CDC20B: variants seen among roughly 807,000 people sequenced by gnomAD.
CDC20B encodes the protein cell division cycle 20B.
A neutral mutation model predicts 64.1 loss-of-function variants in CDC20B; 58 were observed. That is an observed-to-expected ratio of 0.90 (90% CI 0.73 to 1.13). The LOEUF is 1.13. Among genes scored for constraint, CDC20B ranks in the 50% most tolerant of loss-of-function variants. The pLI, the probability that CDC20B is intolerant of heterozygous loss-of-function variation, is 0.00. For synonymous variants in CDC20B, 243 were observed against 230.6 expected (o/e 1.05, Z -0.49); for missense variants, 597 against 633.0 (o/e 0.94, Z 0.61).
chr5:55,160,236 G>A (rs370409177), intron 2 of CDC20B: 1 of 1,614,138 alleles, frequency 6.2e-7, no homozygotes, highest in East Asian at 2.2e-5. Flanking sequence ...TCCGGGCCCA[G>A]AGCAAAGGTA....
chr5:55,122,021 A>G (rs1742770694), intron 9 of CDC20B, among the ~76,000 whole-genome samples: 1 of 152,186 alleles, frequency 6.6e-6, no homozygotes, highest in Non-Finnish European at 1.5e-5. Flanking sequence ...TGTAAAACAT[A>G]CTTACTCCTA....
At chr5:55,116,554 T>C (rs1742631174) in intron 11 of CDC20B, among the ~76,000 whole-genome samples, 1 of 152,240 alleles carries the variant, frequency 6.6e-6, no homozygotes, top group African/African-American at 2.4e-5. Context: ...ACTCAAGTGA[T>C]CCTTCCACCT....
intron 2 of CDC20B, among the ~76,000 whole-genome samples, chr5:55,161,750 A>G (rs1000543736): frequency 6.6e-6 from 1 of 152,226 alleles, no homozygotes; most frequent in African/African-American, 2.4e-5. Context: ...CCAAAAACAT[A>G]TAACTTGGTT....
Position 55,140,336 on chromosome 5 carries a change from C to T in CDC20B, c.558G>A (p.Glu186=), listed in dbSNP as rs764573585. ...QQANGKMQLC[E]QSECVWKGCK... ...TACCTTTCCAAACACATTCGGATTGCTCACAGAGCTGCATTTTTCCATTAG... is the reference window on the plus strand; with the variant it reads ...TACCTTTCCAAACACATTCGGATTGTTCACAGAGCTGCATTTTTCCATTAG... Residue 186 remains glutamate (E), a synonymous_variant, in exon 5 of 12, where the codon GAG becomes GAA. Coordinates refer to ENST00000381375, the MANE Select transcript of CDC20B (RefSeq NM_001170402.1). 9.9e-6 allele frequency: 16 copies of T among 1,613,026 alleles called. No homozygotes were observed. Among genetic ancestry groups the T allele is most frequent in the Non-Finnish European group, 1.3e-5 (15 of 1,179,382 alleles).
chr5:55,146,840 TTAACTGAATCGAG>T lies in CDC20B; in HGVS notation c.130_142del (p.Leu44MetfsTer60), dbSNP rs761830830. The T allele has an allele frequency of 7.4e-6, 12 of 1,613,932 alleles. No individual in the cohort carries two copies. Among genetic ancestry groups the T allele is most frequent in the Non-Finnish European group, 9.3e-6 (11 of 1,179,986 alleles). On this transcript the variant is annotated frameshift_variant, in exon 3 of 12. Transcript: ENST00000381375. LOFTEE classifies it high-confidence loss of function. ...GCTCTTAAAGTCAGAATACGTAGCATTAACTGAATCGAGTACCTGTTTAACAACAAAAACAGCT... is the reference window on the plus strand; with the variant it reads ...GCTCTTAAAGTCAGAATACGTAGCATTACCTGTTTAACAACAAAAACAGCT...
chr5:55,125,804 T>C (rs1045905119), intron 8 of CDC20B, among the ~76,000 whole-genome samples: 1 of 152,256 alleles, frequency 6.6e-6, no homozygotes, highest in African/African-American at 2.4e-5. Context: ...AGCATTGTGA[T>C]TAACAATATG....
chr5:55,131,911 A>T (rs1448160772), intron 6 of CDC20B, among the ~76,000 whole-genome samples: 1 of 152,094 alleles, frequency 6.6e-6, no homozygotes, highest in Non-Finnish European at 1.5e-5. Context: ...CTAAAAATAC[A>T]AAAATTAGCC....
chr5:55,158,393 G>A (rs139783718), intron 2 of CDC20B, among the ~76,000 whole-genome samples: 66 of 152,276 alleles, frequency 4.3e-4, no homozygotes, highest in African/African-American at 1.4e-3. Flanking sequence ...TCTTTACTAG[G>A]AATTATGTTT....
At chr5:55,164,130 G>A in intron 2 of CDC20B, 1 of 1,607,218 alleles carries the variant, frequency 6.2e-7, no homozygotes, top group Non-Finnish European at 8.5e-7. Flanking sequence ...GTGAAGTTCT[G>A]GAAGCCAGAG....
chr5:55,171,374 A>G (rs1212772453), intron 2 of CDC20B, among the ~76,000 whole-genome samples: 1 of 152,312 alleles, frequency 6.6e-6, no homozygotes, highest in African/African-American at 2.4e-5. Flanking sequence ...TTACTGATCC[A>G]AAGACTACTT....
intron 5 of CDC20B, among the ~76,000 whole-genome samples, chr5:55,135,254 G>A (rs1743131558): frequency 6.6e-6 from 1 of 152,008 alleles, no homozygotes; most frequent in South Asian, 2.1e-4. Flanking sequence ...TATATACAGA[G>A]AGAGAAAGAG....
intron 6 of CDC20B, among the ~76,000 whole-genome samples, chr5:55,128,873 G>T (rs940924269): frequency 5.3e-5 from 8 of 152,144 alleles, no homozygotes; most frequent in Non-Finnish European, 1.2e-4. Context: ...GCCATTTAAA[G>T]AACTTGGCAG....
At chr5:55,146,946 T>C (rs1363992799) in intron 2 of CDC20B, 90 bp from the exon 3 acceptor site, 1 of 735,078 alleles carries the variant, frequency 1.4e-6, no homozygotes, top group Non-Finnish European at 2.3e-6. Context: ...ATGACTCATC[T>C]AGTACAACAC....
intron 5 of CDC20B, among the ~76,000 whole-genome samples, chr5:55,138,087 A>G (rs942807969): frequency 1.3e-5 from 2 of 152,132 alleles, no homozygotes; most frequent in East Asian, 3.8e-4. Flanking sequence ...TTCTCTGGAT[A>G]AATAAAAATG....
intron 2 of CDC20B, among the ~76,000 whole-genome samples, chr5:55,148,346 G>A (rs1209086680): frequency 6.6e-6 from 1 of 152,148 alleles, no homozygotes; most frequent in Non-Finnish European, 1.5e-5. Flanking sequence ...AAGGACTTTT[G>A]GACAATGTGC....
chr5:55,121,529 G>A (rs1305999733), intron 9 of CDC20B, among the ~76,000 whole-genome samples: 1 of 151,786 alleles, frequency 6.6e-6, no homozygotes, highest in Non-Finnish European at 1.5e-5. Flanking sequence ...TTGTTTTTGT[G>A]CGTGTGTTTT....
At chr5:55,164,629 T>G (rs1744284460) in intron 2 of CDC20B, 1 of 152,946 alleles carries the variant, frequency 6.5e-6, no homozygotes. Flanking sequence ...GCCAACACAC[T>G]AGACCACTCT....
intron 2 of CDC20B, among the ~76,000 whole-genome samples, chr5:55,153,240 T>A (rs1292156071): frequency 8.3e-3 from 728 of 87,604 alleles, no homozygotes; most frequent in African/African-American, 0.013. Flanking sequence ...CCTTGTCTCA[T>A]AAAAAAAAAA....
intron 2 of CDC20B, among the ~76,000 whole-genome samples, chr5:55,156,915 A>G (rs1215133495): frequency 1.3e-5 from 2 of 152,214 alleles, no homozygotes; most frequent in Non-Finnish European, 1.5e-5. Context: ...TCATTTATTT[A>G]GCACTCAGTT....
Sources: allele counts gnomAD v4.1 joint callset (sites outside exome capture counted in the v4.1 genomes callset), GRCh38; gene constraint gnomAD v4.1.1; transcripts MANE v1.5; gene names NCBI Gene and HGNC (gene_info 2026-07-23, HGNC 2026-07-21).